GFM1: variants seen among roughly 807,000 people sequenced by gnomAD.
GFM1 encodes elongation factor G, mitochondrial.
GFM1 carries 62 observed loss-of-function variants against 96.2 expected under a neutral mutation model. That is an observed-to-expected ratio of 0.64 (90% CI 0.53 to 0.80). The LOEUF (loss-of-function observed/expected upper bound fraction) is 0.80. GFM1 is among the 30% of genes least tolerant of loss of function. The probability of loss-of-function intolerance (pLI) is 0.00; values close to 1 mark genes in which losing one functional copy is unlikely to be tolerated. For synonymous variants in GFM1, 282 were observed against 312.9 expected, an observed-to-expected ratio of 0.90 and a Z score of 1.04; for missense variants, 852 against 916.6, an observed-to-expected ratio of 0.93 and a Z score of 0.91.
chr3:158,646,717 A>G (rs1721834976), intron 3 of GFM1, 26 bp from the exon 4 acceptor site: 1 of 1,590,958 alleles, frequency 6.3e-7, no homozygotes, highest in Admixed American at 1.7e-5. Context: ...GCTCTTTAAG[A>G]CCCTCTCATA....
At chr3:158,662,008 A>G (rs1723238961) in intron 10 of GFM1, among the ~76,000 whole-genome samples, 1 of 152,206 alleles carries the variant, frequency 6.6e-6, no homozygotes, top group Middle Eastern at 3.2e-3. Context: ...GTCATTAGCA[A>G]CATGAAGTGA....
At chr3:158,654,491 TATAAA>T (rs1722578999) in intron 7 of GFM1, 51 bp from the exon 8 acceptor site, 3 of 1,047,120 alleles carry the variant, frequency 2.9e-6, no homozygotes, top group African/African-American at 3.2e-5. Flanking sequence ...AATAAATTGA[TATAAA>T]AGAAATATCA....
chr3:158,651,503 C>G (rs1018550505), intron 5 of GFM1, among the ~76,000 whole-genome samples: 4 of 151,710 alleles, frequency 2.6e-5, no homozygotes, highest in African/African-American at 9.7e-5. Flanking sequence ...ATGTGAAGAT[C>G]AAATAAATAA....
chr3:158,646,116 C>T lies in GFM1; in HGVS notation c.235-49C>T, dbSNP rs538813935. On this transcript the variant is annotated intron_variant, in intron 2 of 17. Transcript: ENST00000486715. ...CATTTCAGTTAAGATTTCTTTCCTT[C>T]TTGGAATGCAGGGACAGAGAAAGTC... 1.9e-6 allele frequency: 3 copies of T among 1,611,968 alleles called. No individual in the cohort carries two copies. In the South Asian group the frequency reaches 3.3e-5, roughly 18 times the overall value.
chr3:158,691,434 ACT>A lies in GFM1; in HGVS notation c.2224_2225del (p.Leu742SerfsTer3). 6.2e-7 allele frequency: 1 copy of A among 1,613,826 alleles called. No homozygotes were observed. The highest frequency in any genetic ancestry group is 8.5e-7 in the Non-Finnish European group (1 of 1,179,780). ...INKYLEATGQLPVKKGKAKN is the reference protein window; with the variant it reads ...INKYLEATGQXPVKKGKAKN The stretch of plus-strand genomic sequence containing the variant: ...ATAAGTATTTGGAAGCTACAGGTCA[ACT>A]TCCTGTTAAAAAAGGAAAAGCCAAG... On this transcript the variant is annotated frameshift_variant, in exon 18 of 18. Transcript: ENST00000486715. LOFTEE classifies it high-confidence loss of function.
intron 13 of GFM1, chr3:158,667,080 A>C: frequency 6.3e-7 from 1 of 1,576,178 alleles, no homozygotes; most frequent in Non-Finnish European, 8.6e-7. Flanking sequence ...CTTTGCTATG[A>C]CAAAAAATAA....
At chr3:158,688,907 C>T (rs777645753) in intron 15 of GFM1, among the ~76,000 whole-genome samples, 1 of 152,138 alleles carries the variant, frequency 6.6e-6, no homozygotes, top group African/African-American at 2.4e-5. Context: ...TGCACTTAAG[C>T]TATACTGTCT....
chr3:158,660,193 A>G (rs1327917924), intron 9 of GFM1: 1 of 150,748 alleles, frequency 6.6e-6, no homozygotes, highest in African/African-American at 2.4e-5. Flanking sequence ...GACAGAGTAG[A>G]TCTCTGTCAT....
intron 16 of GFM1, 37 bp from the exon 17 acceptor site, chr3:158,691,102 T>A (rs762901061): frequency 7.2e-7 from 1 of 1,384,578 alleles, no homozygotes; most frequent in Admixed American, 1.7e-5. Context: ...TATTTTCCAA[T>A]AAGCAGTGCT....
chr3:158,675,342 A>G (rs1724800819), intron 13 of GFM1, among the ~76,000 whole-genome samples: 1 of 151,050 alleles, frequency 6.6e-6, no homozygotes, highest in Non-Finnish European at 1.5e-5. Context: ...GAGCTCTTAA[A>G]CATGATTTAA....
chr3:158,652,776 G>A (rs1339309531), intron 6 of GFM1, among the ~76,000 whole-genome samples: 1 of 152,140 alleles, frequency 6.6e-6, no homozygotes, highest in Non-Finnish European at 1.5e-5. Context: ...TAAATGTTTC[G>A]TAATAGAGCA....
At position 158,644,654 on chromosome 3, in the gene GFM1, C is replaced by A; in HGVS notation, c.20C>A (p.Ala7Glu). MRLLGA[A>E]AVAALGRGRA... ...CTTGCCATGAGACTCCTGGGAGCTG[C>A]AGCCGTCGCGGCTCTGGGGCGCGGA... Residue 7 changes from alanine (A) to glutamate (E), a missense_variant, in exon 1 of 18, where the codon GCA becomes GAA. Transcript: ENST00000486715. 1 of 1,574,454 alleles carries A rather than the reference C, an allele frequency of 6.4e-7. No homozygotes were observed. Among genetic ancestry groups the A allele is most frequent in the African/African-American group, 1.3e-5 (1 of 74,552 alleles).
chr3:158,652,018 A>G lies in GFM1; in HGVS notation c.690-78A>G, dbSNP rs1007055354. ...TGTTACCTAAAAAAATATTTTAACC[A>G]TTAATCATATATTTTTCATTAGTCC... On this transcript the variant is annotated intron_variant, in intron 5 of 17. Transcript: ENST00000486715. 2.5e-5 allele frequency: 31 copies of G among 1,263,590 alleles called. No individual in the cohort carries two copies. The African/African-American group carries it at 4.4e-4, about 18-fold the overall frequency. The allele number at this position is 1,263,590 out of a possible 1,614,324, so 78.3% of individuals were successfully genotyped here. A position where few individuals can be genotyped will look rare whatever the true frequency, so the allele number is the denominator to read the frequency against.
At chr3:158,686,299 T>C (rs548996470) in intron 15 of GFM1, among the ~76,000 whole-genome samples, 6 of 147,876 alleles carry the variant, frequency 4.1e-5, no homozygotes, top group Non-Finnish European at 7.4e-5. Flanking sequence ...AGTATATATA[T>C]AAATATATAA....
rs2108121789 is a variant in GFM1 at position 158,692,024 on chromosome 3, T to A, written c.*557T>A. ...AGTGAATCGCATATATCATGACACTTCTTGGAGTGTCATTAATGGGCAGGC... is the reference window on the plus strand; with the variant it reads ...AGTGAATCGCATATATCATGACACTACTTGGAGTGTCATTAATGGGCAGGC... On this transcript the variant is annotated 3_prime_UTR_variant, in exon 18 of 18. Coordinates refer to ENST00000486715, the MANE Select transcript of GFM1 (RefSeq NM_024996.7). 6.5e-6 allele frequency: 1 copy of A among 154,044 alleles called. No homozygotes were observed. Among genetic ancestry groups the A allele is most frequent in the East Asian group, 1.9e-4 (1 of 5,244 alleles). 9.5% of individuals were successfully genotyped at this position (154,044 alleles called of 1,614,324 possible).
rs1055486317 is a variant in GFM1, at chr3:158,647,094, T to C, written c.572+147T>C. 4 of 687,192 alleles carry C rather than the reference T, an allele frequency of 5.8e-6. No homozygotes were observed. The African/African-American group carries it at 7.1e-5, about 12-fold the overall frequency. The allele number at this position is 687,192 out of a possible 1,614,324, so 42.6% of individuals were successfully genotyped here. A position where few individuals can be genotyped will look rare whatever the true frequency, so the allele number is the denominator to read the frequency against. ...TTATGTGAGTTAGTAAGTGGAACAC[T>C]GATTTTAGTAAATTGGCTTGTGGTA... On this transcript the variant is annotated intron_variant, in intron 4 of 17. Coordinates refer to ENST00000486715, the MANE Select transcript of GFM1 (RefSeq NM_024996.7).
intron 13 of GFM1, among the ~76,000 whole-genome samples, chr3:158,674,612 T>C (rs1724711281): frequency 6.6e-6 from 1 of 152,202 alleles, no homozygotes; most frequent in Admixed American, 6.5e-5. Context: ...ATTTGTCTTA[T>C]TTGTCTAAGA....
intron 15 of GFM1, 168 bp downstream of exon 15, chr3:158,684,836 T>C (rs1725703387): frequency 1.5e-6 from 1 of 648,078 alleles, no homozygotes. Context: ...TAGATTATTA[T>C]GTTCTCTTTC....
chr3:158,679,318 C>A (rs939543882), intron 13 of GFM1, among the ~76,000 whole-genome samples: 1 of 152,066 alleles, frequency 6.6e-6, no homozygotes, highest in Non-Finnish European at 1.5e-5. Context: ...TGCTTTATTG[C>A]GATATTAGCT....
Sources: gnomAD v4.1 joint callset for allele counts (sites outside exome capture counted in the v4.1 genomes callset) on GRCh38, gnomAD v4.1.1 for gene constraint, MANE v1.5 for transcripts, NCBI Gene and HGNC (gene_info 2026-07-23, HGNC 2026-07-21) for gene names.